NPHP4: variants seen among roughly 807,000 people sequenced by gnomAD.
The protein encoded by NPHP4 is nephrocystin 4.
Under a neutral mutation model 155.8 loss-of-function variants are expected in NPHP4, and 151 were observed. The observed-to-expected ratio is 0.97, with a 90% CI of 0.85 to 1.11. The LOEUF (loss-of-function observed/expected upper bound fraction) is 1.11, where lower values mean the gene tolerates loss of function less well. Ranked by LOEUF, NPHP4 falls within the 50% of genes least tolerant of loss-of-function variation. The pLI is 0.00. For missense variants in NPHP4, 1,956 were observed against 1,925.7 expected, an observed-to-expected ratio of 1.02 and a Z score of -0.29; for synonymous variants, 845 against 816.8, an observed-to-expected ratio of 1.03 and a Z score of -0.59.
chr1:5,953,183 T>C (rs1052144383), intron 6 of NPHP4, among the ~76,000 whole-genome samples: 2 of 152,326 alleles, frequency 1.3e-5, no homozygotes, highest in African/African-American at 4.8e-5. Flanking sequence ...CTCAGCTCAC[T>C]GCAACCTCCG....
chr1:5,907,021 C>T lies in NPHP4; in HGVS notation c.1611+94G>A. On this transcript the variant is annotated intron_variant, in intron 13 of 29. Coordinates refer to ENST00000378156, the MANE Select transcript of NPHP4 (RefSeq NM_015102.5). ...GGTAACCCGCCAAGGTCTCTGCCAC[C>T]TAACTAAGGACAGGCACAGTGCAAA... 8.1e-6 allele frequency: 5 copies of T among 617,936 alleles called. 1 individual carries two copies. Among genetic ancestry groups the T allele is most frequent in the Non-Finnish European group, 1.3e-5 (5 of 380,508 alleles). The allele number at this position is 617,936 out of a possible 1,614,324, so 38.3% of individuals were successfully genotyped here.
chr1:5,866,166 A>C (rs1641195880), intron 26 of NPHP4: 2 of 589,664 alleles, frequency 3.4e-6, no homozygotes, highest in Non-Finnish European at 6.1e-6. Context: ...CAAGTCCCTC[A>C]GGCTGCACGT....
chr1:5,977,055 A>G (rs1653731283), intron 3 of NPHP4, among the ~76,000 whole-genome samples: 1 of 152,082 alleles, frequency 6.6e-6, no homozygotes, highest in African/African-American at 2.4e-5. Flanking sequence ...AGACCCTCTC[A>G]TCACCTCTGT....
In NPHP4 at chr1:5,875,037, G is replaced by A. The variant is rs376773394; in HGVS notation, c.2881C>T (p.Arg961Cys). Reference protein sequence around the residue: ...DLQVIAAYRERTKAESIASLL... With the variant: ...DLQVIAAYRECTKAESIASLL... The stretch of plus-strand genomic sequence containing the variant: ...CTGGCGATGCTCTCGGCCTTCGTGC[G>A]TTCCCGGTAGGCGGCGATGACCTGT... Residue 961 changes from arginine (R) to cysteine (C), a missense_variant, in exon 21 of 30, where the codon CGC becomes TGC. Transcript: ENST00000378156. The A allele has an allele frequency of 8.8e-5, 141 of 1,609,284 alleles. No individual in the cohort carries two copies. Among genetic ancestry groups the A allele is most frequent in the South Asian group, 1.2e-4 (11 of 91,062 alleles).
At chr1:5,976,403 C>G (rs1653588296) in intron 3 of NPHP4, among the ~76,000 whole-genome samples, 1 of 152,190 alleles carries the variant, frequency 6.6e-6, no homozygotes, top group South Asian at 2.1e-4. Flanking sequence ...GTCACAACAC[C>G]AGGTTTCGGG....
In NPHP4 at chr1:5,862,858, T is replaced by C. The variant is rs765504322; in HGVS notation, c.*407A>G. On this transcript the variant is annotated 3_prime_UTR_variant, in exon 30 of 30. Coordinates refer to ENST00000378156, the MANE Select transcript of NPHP4 (RefSeq NM_015102.5). Reference sequence around the variant, plus strand: ...TGTTCAACAATTTAAAAAACAGATATAATACCAGCATAAAATATTGCATAG... The same window carrying C: ...TGTTCAACAATTTAAAAAACAGATACAATACCAGCATAAAATATTGCATAG... 2.6e-5 allele frequency: 5 copies of C among 194,536 alleles called. No homozygotes were observed. Among genetic ancestry groups the C allele is most frequent in the Non-Finnish European group, 5.4e-5 (5 of 91,850 alleles). 12.1% of individuals were successfully genotyped at this position (194,536 alleles called of 1,614,324 possible).
At chr1:5,961,711 G>A in intron 6 of NPHP4, 83 bp downstream of exon 6, 1 of 1,395,806 alleles carries the variant, frequency 7.2e-7, no homozygotes, top group Non-Finnish European at 9.9e-7. Flanking sequence ...GCTGCCCCCA[G>A]AAGAGCCCAG....
intron 18 of NPHP4, chr1:5,880,587 T>G (rs939929417): frequency 3.2e-6 from 1 of 314,956 alleles, no homozygotes; most frequent in Non-Finnish European, 6.2e-6. Flanking sequence ...AACCTCGGCC[T>G]CTCGATGGCC....
At chr1:5,864,068 A>G (rs1472632086) in intron 28 of NPHP4, 35 bp from the exon 29 acceptor site, 1 of 1,604,896 alleles carries the variant, frequency 6.2e-7, no homozygotes, top group Admixed American at 1.7e-5. Flanking sequence ...CGCTGCGGCC[A>G]CTCACGGGAA....
At chr1:5,885,346 G>A (rs1180406069) in intron 18 of NPHP4, among the ~76,000 whole-genome samples, 1 of 147,532 alleles carries the variant, frequency 6.8e-6, no homozygotes, top group Non-Finnish European at 1.5e-5. Flanking sequence ...GCTCCCAGCC[G>A]AGCCCATCCT....
Position 5,978,279 on chromosome 1 carries a change from G to A in NPHP4, c.270C>T (p.Val90=). 1.2e-6 allele frequency: 2 copies of A among 1,606,472 alleles called. No homozygotes were observed. The highest frequency in any genetic ancestry group is 1.7e-6 in the Non-Finnish European group (2 of 1,176,808). ...KPTKRPPSRI[V]FNEPLYFHTS... is the part of the protein sequence containing the mutation. ...CATCACCAGGGCCCACCTCATTAAA[G>A]ACGATCCTGGACGGCGGTCTCTTCG... The change falls in exon 3 of 30, where the codon GTC becomes GTT. Residue 90 remains valine (V), a synonymous_variant. Transcript: ENST00000378156.
At chr1:5,893,364 G>C (rs1483536056) in intron 16 of NPHP4, among the ~76,000 whole-genome samples, 2 of 152,218 alleles carry the variant, frequency 1.3e-5, no homozygotes, top group Non-Finnish European at 2.9e-5. Flanking sequence ...AAAAGGGGCA[G>C]GGTAAAGTGT....
At chr1:5,876,933 A>G (rs1335362484) in intron 20 of NPHP4, 160 bp downstream of exon 20, 2 of 463,992 alleles carry the variant, frequency 4.3e-6, no homozygotes, top group Non-Finnish European at 7.4e-6. Flanking sequence ...TCACTTAAAG[A>G]TTTCCCCCGG....
chr1:5,963,684 CTTTTCT>C (rs1184844976), intron 5 of NPHP4, among the ~76,000 whole-genome samples: 3 of 117,892 alleles, frequency 2.5e-5, no homozygotes, highest in Non-Finnish European at 3.5e-5. Flanking sequence ...CCAACCTTTT[CTTTTCT>C]TTTTTTTTTT....
chr1:5,874,494 C>T lies in NPHP4; in HGVS notation c.3208G>A (p.Ala1070Thr). Residue 1070 changes from alanine to threonine, a missense_variant, in exon 22 of 30, where the codon GCA becomes ACA. Ala to Thr is a moderately conservative substitution (Grantham distance 58, BLOSUM62 0). Transcript: ENST00000378156. ...HVPFKFQSFS[A>T]GQLAMVQASP... is the part of the protein sequence containing the mutation. The stretch of plus-strand genomic sequence containing the variant: ...ACCTGCACCATGGCCAGCTGCCCTG[C>T]AGAGAAGCTCTGGAACTTGAAGGGG... 1 of 1,564,812 alleles carries T rather than the reference C, an allele frequency of 6.4e-7. No individual in the cohort carries two copies. Among genetic ancestry groups the T allele is most frequent in the Non-Finnish European group, 8.7e-7 (1 of 1,152,924 alleles).
intron 1 of NPHP4, among the ~76,000 whole-genome samples, chr1:5,990,814 G>A (rs77540742): frequency 6.6e-6 from 1 of 152,186 alleles, no homozygotes; most frequent in East Asian, 1.9e-4. Context: ...TTAACTTCAG[G>A]ACAGATTCGC....
At chr1:5,931,703 C>T (rs1436931033) in intron 10 of NPHP4, among the ~76,000 whole-genome samples, 1 of 139,046 alleles carries the variant, frequency 7.2e-6, no homozygotes, top group Non-Finnish European at 1.5e-5. Flanking sequence ...CACTGCACTC[C>T]AGCCTGGGTT....
chr1:5,894,433 G>C (rs1011816073), intron 16 of NPHP4, among the ~76,000 whole-genome samples: 9 of 145,346 alleles, frequency 6.2e-5, no homozygotes, highest in Admixed American at 4.9e-4. Context: ...CTGGGCTACA[G>C]AGCAAGACCC....
At chr1:5,951,313 A>G (rs1647987894) in intron 7 of NPHP4, among the ~76,000 whole-genome samples, 1 of 152,254 alleles carries the variant, frequency 6.6e-6, no homozygotes, top group Admixed American at 6.5e-5. Flanking sequence ...TGTGACGTGA[A>G]GAGGACTCGA....
Sources: allele counts gnomAD v4.1 joint callset (sites outside exome capture counted in the v4.1 genomes callset), GRCh38; gene constraint gnomAD v4.1.1; transcripts MANE v1.5; gene names NCBI Gene and HGNC (gene_info 2026-07-23, HGNC 2026-07-21).